USP48: variants seen among roughly 807,000 people sequenced by gnomAD.
USP48 encodes ubiquitin carboxyl-terminal hydrolase 48.
In USP48, 43 loss-of-function variants were observed where a neutral mutation model predicts 150.7. The observed-to-expected ratio is 0.29, with a 90% confidence interval of 0.22 to 0.37. The LOEUF is 0.37. Ranked by LOEUF, USP48 falls within the 10% of genes least tolerant of loss-of-function variation. The pLI, the probability that USP48 is intolerant of heterozygous loss-of-function variation, is 1.00. For synonymous variants in USP48, 396 were observed against 425.9 expected (o/e 0.93, Z 0.86); for missense variants, 813 against 1,249.6 (o/e 0.65, Z 5.27).
chr1:21,688,010 C>A (rs2097584240), intron 24 of USP48, among the ~76,000 whole-genome samples: 4 of 152,108 alleles, frequency 2.6e-5, no homozygotes. Context: ...CTAACTTTAT[C>A]ACACCAGAAC....
intron 15 of USP48, among the ~76,000 whole-genome samples, chr1:21,710,431 C>T (rs550102543): frequency 2.2e-4 from 34 of 152,006 alleles, no homozygotes; most frequent in Admixed American, 2.2e-3. Context: ...AAAACACAGC[C>T]CATCGTCTAA....
intron 1 of USP48, chr1:21,782,115 A>T (rs1450931299): frequency 6.6e-6 from 1 of 152,238 alleles, no homozygotes. Context: ...ACATTCTGAA[A>T]CAAAAACTAT....
chr1:21,752,030 A>AAAG (rs933235881), intron 5 of USP48, among the ~76,000 whole-genome samples: 2 of 151,858 alleles, frequency 1.3e-5, no homozygotes, highest in Non-Finnish European at 2.9e-5. Flanking sequence ...AAAAAAAAAA[A>AAAG]AAAGAAAAGA....
chr1:21,680,569 T>C (rs1240200981), intron 26 of USP48, among the ~76,000 whole-genome samples: 1 of 152,222 alleles, frequency 6.6e-6, no homozygotes, highest in African/African-American at 2.4e-5. Flanking sequence ...GAAGGCCAAA[T>C]GGACATCTGG....
chr1:21,724,752 G>A (rs2097731733), intron 11 of USP48: 1 of 152,096 alleles, frequency 6.6e-6, no homozygotes, highest in African/African-American at 2.4e-5. Context: ...AAACAAGTTC[G>A]AGGATAAAGT....
intron 1 of USP48, among the ~76,000 whole-genome samples, chr1:21,763,432 G>A (rs1186304528): frequency 6.6e-6 from 1 of 152,170 alleles, no homozygotes; most frequent in African/African-American, 2.4e-5. Context: ...CTTCTAAATT[G>A]TTGCTAAGCC....
intron 23 of USP48, among the ~76,000 whole-genome samples, chr1:21,693,926 A>G (rs1269365944): frequency 6.6e-6 from 1 of 152,208 alleles, no homozygotes; most frequent in Non-Finnish European, 1.5e-5. Flanking sequence ...CAACAAGAAA[A>G]ATGTGTAACC....
At chr1:21,693,545 A>T (rs1315602303) in intron 23 of USP48, among the ~76,000 whole-genome samples, 1 of 152,228 alleles carries the variant, frequency 6.6e-6, no homozygotes, top group Non-Finnish European at 1.5e-5. Context: ...CTAGCAGCTC[A>T]TTCGGGCAGG....
chr1:21,690,043 C>T lies in USP48; in HGVS notation c.2940G>A (p.Lys980=). The T allele has an allele frequency of 6.2e-7, 1 of 1,614,142 alleles. No individual in the cohort carries two copies. The highest frequency in any genetic ancestry group is 1.3e-5 in the African/African-American group (1 of 75,040). Residue 980 remains lysine (K), a synonymous_variant, in exon 24 of 27, where the codon AAG becomes AAA. Coordinates refer to ENST00000308271, the MANE Select transcript of USP48 (RefSeq NM_032236.8). ...PFDQNLSIDG[K]ILSDDCATLG... ...GGGTGGCACAGTCATCACTTAAAAT[C>T]TTTCCATCAATTGACAAATTCTGGT...
intron 1 of USP48, among the ~76,000 whole-genome samples, chr1:21,764,840 G>A (rs1183019812): frequency 6.6e-6 from 1 of 151,772 alleles, no homozygotes; most frequent in Admixed American, 6.6e-5. Context: ...ACCTCTCATC[G>A]TGGTTGGTTC....
chr1:21,695,156 A>G lies in USP48; in HGVS notation c.2793T>C (p.Val931=). 1 of 1,613,640 alleles carries G rather than the reference A, an allele frequency of 6.2e-7. No homozygotes were observed. Among genetic ancestry groups the G allele is most frequent in the Admixed American group, 1.7e-5 (1 of 59,898 alleles). The change falls in exon 23 of 27, where the codon GTT becomes GTC. Residue 931 remains valine, a synonymous_variant. Coordinates refer to ENST00000308271, the MANE Select transcript of USP48 (RefSeq NM_032236.8). ...HQNYIAYQKQ[V]IRRSMRHRKV... ...TTCTATGTCGCATACTTCGGCGAAT[A>G]ACTTGCTTTTGATAGGCTATATAAT...
At chr1:21,712,176 T>C (rs999469532) in intron 15 of USP48, among the ~76,000 whole-genome samples, 1 of 152,204 alleles carries the variant, frequency 6.6e-6, no homozygotes, top group Non-Finnish European at 1.5e-5. Flanking sequence ...CTGGCCAACA[T>C]GGCAAAACCC....
At chr1:21,698,349 TA>T (rs2097643963) in intron 22 of USP48, among the ~76,000 whole-genome samples, 2 of 152,088 alleles carry the variant, frequency 1.3e-5, no homozygotes, top group African/African-American at 4.8e-5. Flanking sequence ...AAAAAATAAT[TA>T]CAGTATAAAA....
At chr1:21,694,596 AAAAAAAAAAAACC>A (rs2097618538) in intron 23 of USP48, among the ~76,000 whole-genome samples, 2 of 122,324 alleles carry the variant, frequency 1.6e-5, no homozygotes, top group East Asian at 2.2e-4. Context: ...AAAAAAAAAA[AAAAAAAAAAAACC>A]CCCTCTATCT....
chr1:21,780,017 G>C (rs140737941), intron 1 of USP48, among the ~76,000 whole-genome samples: 1 of 152,180 alleles, frequency 6.6e-6, no homozygotes, highest in Non-Finnish European at 1.5e-5. Context: ...GTTCGGTTAA[G>C]TTAAACACAG....
At chr1:21,686,244 T>C (rs191217302) in intron 25 of USP48, 1 of 152,342 alleles carries the variant, frequency 6.6e-6, no homozygotes, top group Non-Finnish European at 1.5e-5. Flanking sequence ...GTGGTGAAAA[T>C]GGCCGTCCTT....
rs190026429 is a variant in USP48, at chr1:21,739,369, A to G, written c.992-2744T>C. 2.2e-3 allele frequency among the ~76,000 whole-genome samples: 335 copies of G among 152,184 alleles called. 2 individuals are homozygous for G. Among genetic ancestry groups the G allele is most frequent in the African/African-American group, 7.0e-3 (289 of 41,530 alleles). ...CCCCCTCTCTACTAAAAATACAAAAATTAGTCAAGCATGGTATTGAGTGCC... is the reference window on the plus strand; with the variant it reads ...CCCCCTCTCTACTAAAAATACAAAAGTTAGTCAAGCATGGTATTGAGTGCC... On this transcript the variant is annotated intron_variant, in intron 8 of 26. Transcript: ENST00000308271.
intron 15 of USP48, among the ~76,000 whole-genome samples, chr1:21,713,979 G>A (rs910765003): frequency 5.3e-5 from 8 of 152,108 alleles, no homozygotes; most frequent in Non-Finnish European, 8.8e-5. Flanking sequence ...CACTTCGCAA[G>A]CTAAAGTGCA....
intron 12 of USP48, among the ~76,000 whole-genome samples, 194 bp from the exon 13 acceptor site, chr1:21,721,958 T>C (rs2097722044): frequency 6.6e-6 from 1 of 152,180 alleles, no homozygotes; most frequent in Admixed American, 6.5e-5. Context: ...TACTGTTATC[T>C]GAATAAAGAA....
Sources: gnomAD v4.1 joint callset for allele counts (sites outside exome capture counted in the v4.1 genomes callset) on GRCh38, gnomAD v4.1.1 for gene constraint, MANE v1.5 for transcripts, NCBI Gene and HGNC (gene_info 2026-07-23, HGNC 2026-07-21) for gene names.